SLC26A4: variants seen among roughly 807,000 people sequenced by gnomAD.
SLC26A4 encodes pendrin.
In SLC26A4, 93 loss-of-function variants were observed where a neutral mutation model predicts 90.4. The ratio of observed to expected loss-of-function variants is 1.03; its 90% CI spans 0.87 to 1.22. The LOEUF (loss-of-function observed/expected upper bound fraction) is 1.22, where lower values mean the gene tolerates loss of function less well. Ranked by LOEUF, SLC26A4 falls within the 50% of genes most tolerant of loss-of-function variation. SLC26A4 has a pLI of 0.00. For missense variants in SLC26A4, 1,127 were observed against 946.2 expected (o/e 1.19, Z -2.51); for synonymous variants, 393 against 354.6 (o/e 1.11, Z -1.22).
chr7:107,676,318 T>C (rs554014950), intron 6 of SLC26A4, among the ~76,000 whole-genome samples: 1 of 152,382 alleles, frequency 6.6e-6, no homozygotes, highest in Admixed American at 6.5e-5. Flanking sequence ...TTTCAAGCCA[T>C]CTTTTCTTTT....
rs1005806170 is a variant in SLC26A4 at position 107,715,592 on chromosome 7, T to A, written c.*146T>A. On this transcript the variant is annotated 3_prime_UTR_variant, in exon 21 of 21. Transcript: ENST00000644269. ...CACTAAGACTGCTTCTAGGCTTTAT[T>A]TATAAAATAAACACCTTATCCCTAA... The A allele has an allele frequency of 3.5e-5, 26 of 742,858 alleles. No homozygotes were observed. Among genetic ancestry groups the A allele is most frequent in the Non-Finnish European group, 1.5e-5 (6 of 407,858 alleles). The allele number at this position is 742,858 out of a possible 1,614,324, so 46.0% of individuals were successfully genotyped here. A position where few individuals can be genotyped will look rare whatever the true frequency, so the allele number is the denominator to read the frequency against.
intron 6 of SLC26A4, among the ~76,000 whole-genome samples, chr7:107,680,072 A>G (rs1407539723): frequency 3.1e-5 from 4 of 127,350 alleles, no homozygotes; most frequent in Non-Finnish European, 4.7e-5. Flanking sequence ...CTTATTATAT[A>G]ATATATTCTT....
chr7:107,711,561 A>G (rs1792187746), intron 19 of SLC26A4, among the ~76,000 whole-genome samples: 1 of 152,170 alleles, frequency 6.6e-6, no homozygotes, highest in Non-Finnish European at 1.5e-5. Context: ...TTACTGGTCC[A>G]CTAAAAGTGG....
intron 9 of SLC26A4, 95 bp downstream of exon 9, chr7:107,689,295 TG>T: frequency 7.5e-7 from 1 of 1,335,474 alleles, no homozygotes; most frequent in Non-Finnish European, 1.1e-6. Flanking sequence ...AAGAAGGGGT[TG>T]GATTCTTTCA....
At chr7:107,667,852 C>A (rs866902678) in intron 3 of SLC26A4, among the ~76,000 whole-genome samples, 2 of 151,958 alleles carry the variant, frequency 1.3e-5, no homozygotes, top group African/African-American at 4.8e-5. Context: ...CAGATGCAGA[C>A]GGGTTTGAAA....
rs372116042 is a variant in SLC26A4 at position 107,661,769 on chromosome 7, G to T, written c.128G>T (p.Arg43Leu). Residue 43 changes from arginine to leucine, a missense_variant, in exon 2 of 21, where the codon CGC becomes CTC. By Grantham distance (102) the Arg-to-Leu change is moderately radical. Coordinates refer to ENST00000644269, the MANE Select transcript of SLC26A4 (RefSeq NM_000441.2). This position sits in a 1 kb window ranked among gnomAD's most constrained non-coding sequence, Gnocchi z 5.1. ...CAGCACGAGCGGCGCCTGCAGGAGC[G>T]CAAGACGCTGCGGGAGAGCCTGGCC... ...QQQHERRLQE[R>L]KTLRESLAKC... 12 of 1,541,774 alleles carry T rather than the reference G, an allele frequency of 7.8e-6. No individual in the cohort carries two copies. Among genetic ancestry groups the T allele is most frequent in the South Asian group, 7.1e-5 (6 of 84,142 alleles).
At chr7:107,686,309 CCTCCCTTCCCTCCCTTTCCTACCTGCA>C (rs1213182720) in intron 8 of SLC26A4, among the ~76,000 whole-genome samples, 11 of 143,620 alleles carry the variant, frequency 7.7e-5, no homozygotes, top group African/African-American at 2.6e-5. Flanking sequence ...CCCTCCCTTC[CCTCCCTTCCCTCCCTTTCCTACCTGCA>C]CTCCCTTTCC....
rs1792347850 is a variant in SLC26A4, at chr7:107,716,418, T to C, written c.*972T>C. ...TAAAGTAAGTAATCTTTAACTGAACTCTGACCACTTAAAAAAAAATCTAAA... is the reference window on the plus strand; with the variant it reads ...TAAAGTAAGTAATCTTTAACTGAACCCTGACCACTTAAAAAAAAATCTAAA... On this transcript the variant is annotated 3_prime_UTR_variant, in exon 21 of 21. Coordinates refer to ENST00000644269, the MANE Select transcript of SLC26A4 (RefSeq NM_000441.2). 6.6e-6 allele frequency: 1 copy of C among 152,052 alleles called. No homozygotes were observed. The highest frequency in any genetic ancestry group is 2.4e-5 in the African/African-American group (1 of 41,408). The allele number at this position is 152,052 out of a possible 1,614,324, so 9.4% of individuals were successfully genotyped here. A position where few individuals can be genotyped will look rare whatever the true frequency, so the allele number is the denominator to read the frequency against.
chr7:107,715,574 A>T lies in SLC26A4; in HGVS notation c.*128A>T, dbSNP rs1792326027. 1.2e-6 allele frequency: 1 copy of T among 807,146 alleles called. No homozygotes were observed. Among genetic ancestry groups the T allele is most frequent in the South Asian group, 1.3e-5 (1 of 74,210 alleles). 50.0% of individuals were successfully genotyped at this position (807,146 alleles called of 1,614,324 possible). On this transcript the variant is annotated 3_prime_UTR_variant, in exon 21 of 21. Coordinates refer to ENST00000644269, the MANE Select transcript of SLC26A4 (RefSeq NM_000441.2). ...AAGCCATTGAAAGAGAAGCACTAAG[A>T]CTGCTTCTAGGCTTTATTTATAAAA...
Position 107,715,619 on chromosome 7 carries a change from A to C in SLC26A4, c.*173A>C. ...ATAAAATAAACACCTTATCCCTAACATGGGCAAAATGGCTAGAATTATTCA... is the reference window on the plus strand; with the variant it reads ...ATAAAATAAACACCTTATCCCTAACCTGGGCAAAATGGCTAGAATTATTCA... On this transcript the variant is annotated 3_prime_UTR_variant, in exon 21 of 21. Transcript: ENST00000644269. 3.1e-6 allele frequency: 2 copies of C among 647,090 alleles called. No homozygotes were observed. Among genetic ancestry groups the C allele is most frequent in the Admixed American group, 5.0e-5 (2 of 40,148 alleles). 40.1% of individuals were successfully genotyped at this position (647,090 alleles called of 1,614,324 possible).
In SLC26A4 at chr7:107,690,179, T is replaced by C; in HGVS notation, c.1205T>C (p.Val402Ala). Reference protein sequence around the residue: ...NIFSGFFSCFVATTALSRTAV... With the variant: ...NIFSGFFSCFAATTALSRTAV... ...TTCTCAGGATTCTTCTCTTGTTTTG[T>C]GGCCACCACTGCTCTTTCCCGCACG... is the stretch of plus-strand genomic sequence containing the variant. The change falls in exon 10 of 21, where the codon GTG (valine) becomes GCG (alanine). Residue 402 changes from valine (V) to alanine (A), a missense_variant. Physicochemically the swap from Val to Ala is moderately conservative, Grantham distance 64. Coordinates refer to ENST00000644269, the MANE Select transcript of SLC26A4 (RefSeq NM_000441.2). 2 of 1,613,650 alleles carry C rather than the reference T, an allele frequency of 1.2e-6. No homozygotes were observed. The highest frequency in any genetic ancestry group is 2.7e-5 in the African/African-American group (2 of 75,012).
intron 6 of SLC26A4, 42 bp from the exon 7 acceptor site, chr7:107,683,160 G>A (rs372247354): frequency 5.2e-5 from 78 of 1,510,552 alleles, no homozygotes; most frequent in African/African-American, 4.4e-4. Flanking sequence ...GCTCGTGTGC[G>A]TGTAGCAGCA....
At chr7:107,691,883 A>G (rs1175269147) in intron 10 of SLC26A4, 2 of 1,255,998 alleles carry the variant, frequency 1.6e-6, no homozygotes, top group Non-Finnish European at 2.1e-6. Flanking sequence ...GGTCAGAGCC[A>G]ATTTCCAAAG....
At chr7:107,701,723 T>C in intron 16 of SLC26A4, 104 bp from the exon 17 acceptor site, 1 of 806,328 alleles carries the variant, frequency 1.2e-6, no homozygotes, top group East Asian at 2.6e-5. Flanking sequence ...CTTGATGTCT[T>C]GCTTACCAAG....
Position 107,678,872 on chromosome 7 carries a change from G to A in SLC26A4, c.765+3763G>A, listed in dbSNP as rs569860181. On this transcript the variant is annotated intron_variant, in intron 6 of 20. Coordinates refer to ENST00000644269, the MANE Select transcript of SLC26A4 (RefSeq NM_000441.2). ...GAAAGAATCCTTCAATAAATGCAGA[G>A]TAGTAGAGGATTCTCCCAGAAAAGA... Among the ~76,000 whole-genome samples the A allele has an allele frequency of 6.6e-5, 10 of 152,278 alleles. No individual in the cohort carries two copies. The South Asian group carries it at 1.9e-3, about 28-fold the overall frequency.
chr7:107,690,261 T>C, intron 10 of SLC26A4, 24 bp downstream of exon 10: 1 of 1,317,306 alleles, frequency 7.6e-7, no homozygotes, highest in Non-Finnish European at 1.1e-6. Flanking sequence ...CCTTATGATA[T>C]CCATCTCAGA....
At chr7:107,699,317 T>A (rs1791823952) in intron 14 of SLC26A4, among the ~76,000 whole-genome samples, 1 of 152,204 alleles carries the variant, frequency 6.6e-6, no homozygotes, top group Admixed American at 6.5e-5. Flanking sequence ...GAAAAGTCTA[T>A]GATTCTGTGA....
chr7:107,663,224 A>G (rs1215860595), intron 2 of SLC26A4, 72 bp from the exon 3 acceptor site: 3 of 1,519,572 alleles, frequency 2.0e-6, no homozygotes, highest in South Asian at 2.2e-5. Flanking sequence ...AATCCAGTTC[A>G]TAACTTTGTG....
At chr7:107,674,419 T>C in intron 5 of SLC26A4, 71 bp downstream of exon 5, 1 of 1,174,298 alleles carries the variant, frequency 8.5e-7, no homozygotes, top group Non-Finnish European at 1.3e-6. Flanking sequence ...GCATATAGAC[T>C]TAAAGATTCT....
Sources: allele counts gnomAD v4.1 joint callset (sites outside exome capture counted in the v4.1 genomes callset), GRCh38; gene constraint gnomAD v4.1.1; non-coding constraint Gnocchi (gnomAD v3.1); transcripts MANE v1.5; gene names NCBI Gene and HGNC (gene_info 2026-07-23, HGNC 2026-07-21).